SH3PXD2B: variants seen among roughly 807,000 people sequenced by gnomAD.
The protein encoded by SH3PXD2B is SH3 and PX domains 2B.
In SH3PXD2B, 37 loss-of-function variants were observed where a neutral mutation model predicts 73.1. That is an observed-to-expected ratio of 0.51 (90% CI 0.39 to 0.67). The LOEUF (loss-of-function observed/expected upper bound fraction) is 0.67. Ranked by LOEUF, SH3PXD2B falls within the 30% of genes least tolerant of loss-of-function variation. The pLI is 0.00. For missense variants in SH3PXD2B, 1,053 were observed against 1,197.8 expected (o/e 0.88, Z 1.78); for synonymous variants, 457 against 480.5 (o/e 0.95, Z 0.64).
chr5:172,418,702 C>T (rs773904924), intron 2 of SH3PXD2B, among the ~76,000 whole-genome samples: 24 of 152,188 alleles, frequency 1.6e-4, no homozygotes, highest in Non-Finnish European at 3.5e-4. Context: ...GCAGGACCCT[C>T]TGGAATTCCA....
At chr5:172,442,038 G>A (rs76533165) in intron 1 of SH3PXD2B, among the ~76,000 whole-genome samples, 3,178 of 152,222 alleles carry the variant, frequency 0.021, 112 homozygotes, top group African/African-American at 0.07. Context: ...GAAAACTTGG[G>A]TAGTAAATAA....
intron 6 of SH3PXD2B, among the ~76,000 whole-genome samples, chr5:172,368,889 A>AT (rs1385386265): frequency 3.0e-4 from 40 of 134,574 alleles, no homozygotes; most frequent in African/African-American, 1.2e-3. Flanking sequence ...AATATAAAAA[A>AT]AAATATATAT....
intron 5 of SH3PXD2B, among the ~76,000 whole-genome samples, chr5:172,381,735 G>A (rs746249471): frequency 1.2e-4 from 19 of 152,166 alleles, no homozygotes; most frequent in African/African-American, 4.1e-4. Flanking sequence ...ATGAATCTAC[G>A]GCTCAGCCCC....
rs758384070 is a variant in SH3PXD2B at position 172,335,530 on chromosome 5, G to C, written c.*2839C>G. 1.1e-5 allele frequency: 13 copies of C among 1,231,634 alleles called. No homozygotes were observed. Among genetic ancestry groups the C allele is most frequent in the Admixed American group, 4.2e-5 (1 of 23,698 alleles). The allele number at this position is 1,231,634 out of a possible 1,614,324, so 76.3% of individuals were successfully genotyped here. A position where few individuals can be genotyped will look rare whatever the true frequency, so the allele number is the denominator to read the frequency against. ...CCTTAATTTTCTCACTATAGATCAG[G>C]GCTGGTCCTATCCGCCTCACAGGCT... is the stretch of plus-strand genomic sequence containing the variant. On this transcript the variant is annotated 3_prime_UTR_variant, in exon 13 of 13. Transcript: ENST00000311601.
chr5:172,384,610 T>C (rs146798994), intron 4 of SH3PXD2B, among the ~76,000 whole-genome samples: 13 of 152,288 alleles, frequency 8.5e-5, no homozygotes, highest in African/African-American at 3.1e-4. Context: ...ATACAGTGTT[T>C]GTCTTTTTGA....
At chr5:172,325,355 C>T (rs1250682662) in exon 13 of SH3PXD2B, 3 of 1,535,402 alleles carry the variant, frequency 2.0e-6, no homozygotes, top group Non-Finnish European at 2.6e-6. Context: ...TTCCACAGGG[C>T]TCTCCAAGTG....
chr5:172,432,463 A>G (rs1287327983), intron 1 of SH3PXD2B, among the ~76,000 whole-genome samples: 4 of 152,212 alleles, frequency 2.6e-5, no homozygotes, highest in African/African-American at 4.8e-5. Flanking sequence ...AGTGTCGCTC[A>G]TTCAACCTCA....
chr5:172,334,465 A>G lies in SH3PXD2B; in HGVS notation c.*3904T>C, dbSNP rs2113233511. On this transcript the variant is annotated 3_prime_UTR_variant, in exon 13 of 13. Transcript: ENST00000311601. The stretch of plus-strand genomic sequence containing the variant: ...ATCTTTGGTCTGTGGTGAGGTATGG[A>G]TGTCTGCAGTCTACACAACAGCCCT... 1 of 986,834 alleles carries G rather than the reference A, an allele frequency of 1.0e-6. No individual in the cohort carries two copies. The highest frequency in any genetic ancestry group is 1.7e-5 in the African/African-American group (1 of 57,360). 61.1% of individuals were successfully genotyped at this position (986,834 alleles called of 1,614,324 possible).
chr5:172,394,438 CCCT>C, intron 4 of SH3PXD2B, 122 bp downstream of exon 4: 1 of 918,034 alleles, frequency 1.1e-6, no homozygotes. Context: ...ATGATTTTCC[CCCT>C]AATTTCTTTA....
At chr5:172,374,067 C>T (rs1757769841) in intron 5 of SH3PXD2B, among the ~76,000 whole-genome samples, 2 of 152,146 alleles carry the variant, frequency 1.3e-5, no homozygotes, top group South Asian at 4.1e-4. Flanking sequence ...AGACTGGAAG[C>T]CCTGGGGAGG....
chr5:172,418,867 A>G (rs1581324608), intron 2 of SH3PXD2B, among the ~76,000 whole-genome samples: 2 of 152,314 alleles, frequency 1.3e-5, no homozygotes, highest in Non-Finnish European at 1.5e-5. Flanking sequence ...TCTGGTAGAA[A>G]TAAGAAAGTT....
In SH3PXD2B at chr5:172,394,556, G is replaced by A; in HGVS notation, c.309+7C>T. 1.2e-6 allele frequency: 2 copies of A among 1,614,016 alleles called. No homozygotes were observed. Among genetic ancestry groups the A allele is most frequent in the Non-Finnish European group, 1.7e-6 (2 of 1,179,934 alleles). ...GGGAAGACTGCGTGGGCATTTCTCA[G>A]CCTTACCTTACAGTATTCATCAATT... is the stretch of plus-strand genomic sequence containing the variant. On this transcript the variant is annotated splice_region_variant and intron_variant, in intron 4 of 12. Coordinates refer to ENST00000311601, the MANE Select transcript of SH3PXD2B (RefSeq NM_001017995.3).
chr5:172,352,324 G>C (rs1460748530), intron 9 of SH3PXD2B, among the ~76,000 whole-genome samples: 1 of 152,084 alleles, frequency 6.6e-6, no homozygotes, highest in East Asian at 1.9e-4. Flanking sequence ...TCTTGGGCTC[G>C]AGTGATCCTC....
rs1756642912 is a variant in SH3PXD2B, at chr5:172,334,572, A to C, written c.*3797T>G. On this transcript the variant is annotated 3_prime_UTR_variant, in exon 13 of 13. Coordinates refer to ENST00000311601, the MANE Select transcript of SH3PXD2B (RefSeq NM_001017995.3). ...GTTAGGTGTCCACTGTCACAGTCCAAAGAGAAAGGTACGGCCTCCAAGGGG... is the reference window on the plus strand; with the variant it reads ...GTTAGGTGTCCACTGTCACAGTCCACAGAGAAAGGTACGGCCTCCAAGGGG... 2 of 985,566 alleles carry C rather than the reference A, an allele frequency of 2.0e-6. No individual in the cohort carries two copies. The highest frequency in any genetic ancestry group is 9.4e-5 in the South Asian group (2 of 21,294). The allele number at this position is 985,566 out of a possible 1,614,324, so 61.1% of individuals were successfully genotyped here. A position where few individuals can be genotyped will look rare whatever the true frequency, so the allele number is the denominator to read the frequency against.
At chr5:172,419,369 C>T (rs1418234536) in intron 2 of SH3PXD2B, among the ~76,000 whole-genome samples, 2 of 152,186 alleles carry the variant, frequency 1.3e-5, no homozygotes, top group Admixed American at 6.5e-5. Flanking sequence ...TCTACGTCCC[C>T]ACCTCCTCGG....
In SH3PXD2B at chr5:172,353,888, C is replaced by G; in HGVS notation, c.785G>C (p.Arg262Thr). Residue 262 changes from arginine to threonine, a missense_variant and splice_region_variant, in exon 9 of 13, where the codon AGG becomes ACG. Transcript: ENST00000311601. This position sits in a 1 kb window ranked among gnomAD's most constrained non-coding sequence, Gnocchi z 4.3. Reference protein sequence around the residue: ...QKNLEGWWKIRYQGKEGWAPA... With the variant: ...QKNLEGWWKITYQGKEGWAPA... Reference sequence around the variant, plus strand: ...AACCGTGGGGGGCAGCGGCTGGTACCTGATCTTCCACCAGCCTTCCAGGTT... The same window carrying G: ...AACCGTGGGGGGCAGCGGCTGGTACGTGATCTTCCACCAGCCTTCCAGGTT... 6.2e-7 allele frequency: 1 copy of G among 1,612,942 alleles called. No individual in the cohort carries two copies.
intron 1 of SH3PXD2B, among the ~76,000 whole-genome samples, chr5:172,444,723 G>A (rs1203054254): frequency 6.6e-6 from 1 of 152,062 alleles, no homozygotes; most frequent in Non-Finnish European, 1.5e-5. Context: ...GGGTCTGTCT[G>A]TGCTCTGCTC....
chr5:172,435,382 G>T (rs1475420007), intron 1 of SH3PXD2B, among the ~76,000 whole-genome samples: 1 of 152,176 alleles, frequency 6.6e-6, no homozygotes, highest in Non-Finnish European at 1.5e-5. Flanking sequence ...GGATGGTCCT[G>T]TGTTAGTGGA....
At chr5:172,379,327 A>T (rs978877018) in intron 5 of SH3PXD2B, among the ~76,000 whole-genome samples, 1 of 151,074 alleles carries the variant, frequency 6.6e-6, no homozygotes, top group Non-Finnish European at 1.5e-5. Flanking sequence ...AAAAAAAAAA[A>T]AAAAAAGAAG....
Sources: gnomAD v4.1 joint callset for allele counts (sites outside exome capture counted in the v4.1 genomes callset) on GRCh38, gnomAD v4.1.1 for gene constraint, Gnocchi (gnomAD v3.1) non-coding constraint, MANE v1.5 for transcripts, NCBI Gene and HGNC (gene_info 2026-07-23, HGNC 2026-07-21) for gene names.